DPF1: variants seen among roughly 807,000 people sequenced by gnomAD.
DPF1 encodes zinc finger protein neuro-d4.
DPF1 carries 14 observed loss-of-function variants against 58.7 expected under a neutral mutation model. The observed-to-expected ratio is 0.24, with a 90% CI of 0.16 to 0.37. The LOEUF (loss-of-function observed/expected upper bound fraction) is 0.37, where lower values mean the gene tolerates loss of function less well. DPF1 is among the 10% of genes least tolerant of loss of function. The pLI, the probability that DPF1 is intolerant of heterozygous loss-of-function variation, is 1.00. For synonymous variants in DPF1, 216 were observed against 216.0 expected, an observed-to-expected ratio of 1.00 and a Z score of 0.00; for missense variants, 345 against 529.9, an observed-to-expected ratio of 0.65 and a Z score of 3.43.
intron 6 of DPF1, 77 bp downstream of exon 6, chr19:38,217,721 G>C: frequency 3.1e-6 from 5 of 1,599,116 alleles, no homozygotes; most frequent in Non-Finnish European, 4.3e-6. Context: ...GGTCTGGAAC[G>C]GGAGGGAGAG....
intron 7 of DPF1, among the ~76,000 whole-genome samples, chr19:38,217,194 G>A (rs1478960466): frequency 6.6e-6 from 1 of 152,126 alleles, no homozygotes; most frequent in African/African-American, 2.4e-5. Context: ...GGCGGGAGGG[G>A]AGCCATCTAT....
intron 7 of DPF1, 57 bp from the exon 8 acceptor site, chr19:38,216,460 C>T (rs1208723725): frequency 5.3e-6 from 8 of 1,511,648 alleles, no homozygotes; most frequent in Non-Finnish European, 7.1e-6. Context: ...TCCACCCTGC[C>T]CCCAGCCTCA....
intron 9 of DPF1, among the ~76,000 whole-genome samples, chr19:38,215,289 G>A (rs1214198479): frequency 1.3e-5 from 2 of 150,464 alleles, no homozygotes; most frequent in African/African-American, 2.4e-5. Context: ...TCAGGAGTTT[G>A]AGACCAGCCT....
chr19:38,222,880 AGGGCCCAG>A lies in DPF1; in HGVS notation c.30-180_30-173del. The A allele has an allele frequency of 1.0e-6, 1 of 991,994 alleles. No homozygotes were observed. The highest frequency in any genetic ancestry group is 1.9e-5 in the South Asian group (1 of 52,852). The allele number at this position is 991,994 out of a possible 1,614,324, so 61.4% of individuals were successfully genotyped here. A position where few individuals can be genotyped will look rare whatever the true frequency, so the allele number is the denominator to read the frequency against. ...GGGACCCAGGCTGGGGGAAGGGGACAGGGCCCAGGGGCCCCCAAACTGGGACTCAAACA... is the reference window on the plus strand; with the variant it reads ...GGGACCCAGGCTGGGGGAAGGGGACAGGGCCCCCAAACTGGGACTCAAACA... On this transcript the variant is annotated intron_variant, in intron 1 of 11. Transcript: ENST00000355526. This position sits in a 1 kb window ranked among gnomAD's most constrained non-coding sequence, Gnocchi z 4.9.
Position 38,212,055 on chromosome 19 carries a change from G to T in DPF1, c.*8C>A, listed in dbSNP as rs201150102. ...CACCACCCCAGAGTCGCGGCGAGCC[G>T]AGCCGGCCTAGGTGAGGGTGATGTA... is the stretch of plus-strand genomic sequence containing the variant. On this transcript the variant is annotated 3_prime_UTR_variant, in exon 12 of 12. Transcript: ENST00000355526. 12 of 1,609,142 alleles carry T rather than the reference G, an allele frequency of 7.5e-6. No homozygotes were observed. Among genetic ancestry groups the T allele is most frequent in the Non-Finnish European group, 2.5e-6 (3 of 1,178,832 alleles).
rs1296900664 is a variant in DPF1, at chr19:38,213,700, G to A, written c.955C>T (p.Arg319Cys). The change falls in exon 10 of 12, where the codon CGC becomes TGC. Residue 319 changes from arginine (R) to cysteine (C), a missense_variant. Coordinates refer to ENST00000355526, the MANE Select transcript of DPF1 (RefSeq NM_001135155.3). ...GATTTGCACTCGATGCACTGCCAGC[G>A]GTAGGTCCGCACGGCTGCCGTCATG... ...VNMTAAVRTY[R>C]WQCIECKSCS... 2 of 1,613,956 alleles carry A rather than the reference G, an allele frequency of 1.2e-6. No individual in the cohort carries two copies. The highest frequency in any genetic ancestry group is 8.5e-7 in the Non-Finnish European group (1 of 1,179,908).
upstream of DPF1, among the ~76,000 whole-genome samples, chr19:38,226,752 G>A (rs75733298): frequency 0.024 from 3,616 of 151,958 alleles, 147 homozygotes; most frequent in African/African-American, 0.082. Flanking sequence ...ACGGTGAGCT[G>A]TGACCCCACC....
chr19:38,214,467 C>T (rs1232099516), intron 9 of DPF1, among the ~76,000 whole-genome samples: 2 of 152,318 alleles, frequency 1.3e-5, no homozygotes, highest in South Asian at 2.1e-4. Context: ...GCCACGACAA[C>T]CACAATTCAT....
At position 38,229,307 on chromosome 19, in the gene DPF1, C is replaced by T. The variant is rs1261289276; in HGVS notation, c.-132+252G>A. On this transcript the variant is annotated intron_variant, in intron 1 of 11. Transcript: ENST00000412732. This position sits in a 1 kb window ranked among gnomAD's most constrained non-coding sequence, Gnocchi z 5.3. The stretch of plus-strand genomic sequence containing the variant: ...CTGGGTGGGGAAACGGCCTCCGCCA[C>T]CCCCAGCCCGCGCCGCATTCCTTCA... Among the ~76,000 whole-genome samples, 1 of 152,076 alleles carries T rather than the reference C, an allele frequency of 6.6e-6. No homozygotes were observed. The highest frequency in any genetic ancestry group is 1.5e-5 in the Non-Finnish European group (1 of 67,972).
At chr19:38,227,029 CCTTCCTTTCTTT>C (rs1967861092), upstream of DPF1, among the ~76,000 whole-genome samples, 15 of 136,344 alleles carry the variant, frequency 1.1e-4, no homozygotes, top group African/African-American at 3.8e-4. Flanking sequence ...TTCCTTCCTT[CCTTCCTTTCTTT>C]CTTTCTTTCT....
upstream of DPF1, among the ~76,000 whole-genome samples, chr19:38,225,437 C>T (rs1017634055): frequency 1.3e-5 from 2 of 151,814 alleles, no homozygotes; most frequent in African/African-American, 4.8e-5. Flanking sequence ...GGCATGATGG[C>T]GCAGCAGTGT....
At chr19:38,217,404 C>T in intron 7 of DPF1, 56 bp downstream of exon 7, 15 of 498,816 alleles carry the variant, frequency 3.0e-5, no homozygotes, top group Non-Finnish European at 4.5e-5. Flanking sequence ...CCCAGCTGGG[C>T]TCCTCTTCCC....
chr19:38,229,663 C>G lies in DPF1; in HGVS notation c.-236G>C, dbSNP rs1426626567. ...CGCGCGGGCCCAGCCCGGCCTGCGC[C>G]GCCCGCTCTGCCGCCCAGCGCGCTA... is the stretch of plus-strand genomic sequence containing the variant. On this transcript the variant is annotated 5_prime_UTR_variant, in exon 1 of 12. Coordinates refer to the DPF1 transcript ENST00000412732. The surrounding 1 kb of genome is among the most constrained non-coding windows in gnomAD (Gnocchi z 5.3). 2.9e-6 allele frequency: 2 copies of G among 697,414 alleles called. No homozygotes were observed. The highest frequency in any genetic ancestry group is 1.9e-5 in the African/African-American group (1 of 51,350). The allele number at this position is 697,414 out of a possible 1,614,324, so 43.2% of individuals were successfully genotyped here.
At chr19:38,229,071 C>T (rs924774318), upstream of DPF1, among the ~76,000 whole-genome samples, 2 of 151,964 alleles carry the variant, frequency 1.3e-5, no homozygotes, top group Middle Eastern at 3.2e-3. This position sits in a 1 kb window ranked among gnomAD's most constrained non-coding sequence, Gnocchi z 5.3. Flanking sequence ...GACGTCTCAG[C>T]TCCCACCCTG....
At chr19:38,219,662 AT>A (rs3837971) in intron 3 of DPF1, 18,661 of 152,134 alleles carry the variant, frequency 0.12, 1,322 homozygotes, top group Middle Eastern at 0.21. Context: ...TAATTTTTGT[AT>A]TTTTGGTAGA....
upstream of DPF1, among the ~76,000 whole-genome samples, chr19:38,224,445 A>G (rs1967728662): frequency 6.6e-6 from 1 of 152,114 alleles, no homozygotes; most frequent in Admixed American, 6.5e-5. This position sits in a 1 kb window ranked among gnomAD's most constrained non-coding sequence, Gnocchi z 4.5. Flanking sequence ...CCACATGCAC[A>G]CCTGGACTCG....
Position 38,218,637 on chromosome 19 carries a change from T to G in DPF1, c.452A>C (p.His151Pro), listed in dbSNP as rs948723709. 2.5e-6 allele frequency: 4 copies of G among 1,614,204 alleles called. No homozygotes were observed. In the South Asian group the frequency reaches 4.4e-5, roughly 18 times the overall value. ...CTCCAAGTCTTCCACCTCGAGGTCA[T>G]GCGGAAACTCCAGCAACTGCTGTTT... ...CQKQQLLEFP[H>P]DLEVEDLEDD... The change falls in exon 5 of 12, where the codon CAT (histidine) becomes CCT (proline). Residue 151 changes from histidine to proline, a missense_variant. Coordinates refer to ENST00000355526, the MANE Select transcript of DPF1 (RefSeq NM_001135155.3).
chr19:38,229,604 G>C lies in DPF1; in HGVS notation c.-177C>G, dbSNP rs1332861509. 77 of 1,110,198 alleles carry C rather than the reference G, an allele frequency of 6.9e-5. No individual in the cohort carries two copies. Among genetic ancestry groups the C allele is most frequent in the Non-Finnish European group, 8.5e-5 (77 of 910,224 alleles). The allele number at this position is 1,110,198 out of a possible 1,614,324, so 68.8% of individuals were successfully genotyped here. ...GGCGGTGGCCATGGCCCGCTCGGCT[G>C]GGCCGCCTCCGGCCCGGGGCGCCGC... On this transcript the variant is annotated 5_prime_UTR_variant, in exon 1 of 12. Transcript: ENST00000412732. The surrounding 1 kb of genome is among the most constrained non-coding windows in gnomAD (Gnocchi z 5.3).
chr19:38,219,815 A>G (rs1967312977), intron 3 of DPF1: 1 of 152,258 alleles, frequency 6.6e-6, no homozygotes, highest in Admixed American at 6.6e-5. Context: ...AGGTATAGCC[A>G]GATCCTTGGA....
Sources: allele counts gnomAD v4.1 joint callset (sites outside exome capture counted in the v4.1 genomes callset), GRCh38; gene constraint gnomAD v4.1.1; non-coding constraint Gnocchi (gnomAD v3.1); transcripts MANE v1.5; gene names NCBI Gene and HGNC (gene_info 2026-07-23, HGNC 2026-07-21).